The following APLF variants were observed in gnomAD, a reference collection of about 807,000 sequenced individuals.
APLF encodes aprataxin and PNKP like factor, also known as aprataxin and PNK-like factor.
A neutral mutation model predicts 55.6 loss-of-function variants in APLF; 61 were observed. That is an observed-to-expected ratio of 1.10 (90% CI 0.89 to 1.36). The LOEUF (loss-of-function observed/expected upper bound fraction) is 1.36, where lower values mean the gene tolerates loss of function less well. APLF is among the 40% of genes most tolerant of loss of function. APLF has a pLI of 0.00. For missense variants in APLF, 611 were observed against 602.5 expected, an observed-to-expected ratio of 1.01 and a Z score of -0.15; for synonymous variants, 207 against 214.8, an observed-to-expected ratio of 0.96 and a Z score of 0.32.
chr2:68,505,956 G>C (rs1168577942), intron 3 of APLF, among the ~76,000 whole-genome samples: 1 of 151,970 alleles, frequency 6.6e-6, no homozygotes, highest in Non-Finnish European at 1.5e-5. Flanking sequence ...CTAACAACCA[G>C]CCCTTCATCT....
intron 3 of APLF, among the ~76,000 whole-genome samples, chr2:68,506,428 C>T (rs1049685825): frequency 1.3e-5 from 2 of 151,782 alleles, no homozygotes; most frequent in Admixed American, 6.6e-5. Context: ...CACTTCTAGA[C>T]GTTTCTTGAT....
chr2:68,487,221 A>T (rs1404388884), intron 1 of APLF, among the ~76,000 whole-genome samples: 1 of 152,150 alleles, frequency 6.6e-6, no homozygotes, highest in Non-Finnish European at 1.5e-5. Context: ...CTATTTGGTT[A>T]TTAAATAGCC....
At chr2:68,519,476 A>T (rs901602946) in intron 5 of APLF, among the ~76,000 whole-genome samples, 2 of 149,510 alleles carry the variant, frequency 1.3e-5, no homozygotes, top group African/African-American at 4.9e-5. Flanking sequence ...AAAAGGAGTT[A>T]TTTGCAGGGA....
At chr2:68,532,422 G>A (rs766290209) in intron 6 of APLF, among the ~76,000 whole-genome samples, 46 of 152,158 alleles carry the variant, frequency 3.0e-4, no homozygotes, top group Non-Finnish European at 5.7e-4. Flanking sequence ...TGTGGAGCCT[G>A]TGCATCAGTG....
At chr2:68,477,003 T>C (rs917934934) in intron 1 of APLF, among the ~76,000 whole-genome samples, 1 of 152,314 alleles carries the variant, frequency 6.6e-6, no homozygotes, top group East Asian at 1.9e-4. Flanking sequence ...TAAAAAGATA[T>C]GTCATGAATA....
At chr2:68,480,048 G>A (rs1675903951) in intron 1 of APLF, among the ~76,000 whole-genome samples, 1 of 152,086 alleles carries the variant, frequency 6.6e-6, no homozygotes, top group Admixed American at 6.6e-5. Flanking sequence ...CAAAATATGT[G>A]TTAATCAATC....
At chr2:68,563,483 T>C (rs1671219089) in intron 8 of APLF, 1 of 528,084 alleles carries the variant, frequency 1.9e-6, no homozygotes, top group South Asian at 8.3e-5. Flanking sequence ...AATGAGGAAC[T>C]ACCTTCTGAA....
intron 5 of APLF, among the ~76,000 whole-genome samples, chr2:68,516,598 TCCTCCCAAGC>T (rs1669585120): frequency 6.6e-6 from 1 of 150,662 alleles, no homozygotes; most frequent in Admixed American, 6.7e-5. Context: ...CCCCGACCCT[TCCTCCCAAGC>T]CCTCAAAGTC....
chr2:68,513,276 T>C, intron 4 of APLF, 49 bp downstream of exon 4: 1 of 1,539,538 alleles, frequency 6.5e-7, no homozygotes. Flanking sequence ...TTCAAGTTAT[T>C]ATGAAGGCAG....
At chr2:68,576,386 A>G (rs1671624492) in intron 9 of APLF, among the ~76,000 whole-genome samples, 1 of 152,202 alleles carries the variant, frequency 6.6e-6, no homozygotes, top group African/African-American at 2.4e-5. Context: ...GGAGCTGTAT[A>G]TACAGATATA....
chr2:68,569,201 G>A (rs75889174), intron 9 of APLF, among the ~76,000 whole-genome samples: 1,703 of 152,128 alleles, frequency 0.011, 35 homozygotes, highest in African/African-American at 0.039. Context: ...GATGAGAGCC[G>A]GCTCGTAATT....
At chr2:68,484,089 T>C (rs986360354) in intron 1 of APLF, among the ~76,000 whole-genome samples, 1 of 152,176 alleles carries the variant, frequency 6.6e-6, no homozygotes, top group African/African-American at 2.4e-5. Context: ...TGATACAAAA[T>C]ATCTAAGTAT....
chr2:68,515,781 G>T, intron 5 of APLF: 1 of 958,474 alleles, frequency 1.0e-6, no homozygotes, highest in Non-Finnish European at 1.2e-6. Context: ...TACTTTATAA[G>T]AACAAGATTA....
intron 1 of APLF, among the ~76,000 whole-genome samples, chr2:68,486,078 T>C (rs1676164849): frequency 6.6e-6 from 1 of 152,096 alleles, no homozygotes; most frequent in Admixed American, 6.5e-5. Flanking sequence ...GCTCGAATTG[T>C]TCTAAATTTG....
intron 6 of APLF, among the ~76,000 whole-genome samples, chr2:68,531,739 A>G (rs1670263158): frequency 1.3e-5 from 2 of 152,378 alleles, no homozygotes; most frequent in South Asian, 4.1e-4. Context: ...TATTGTGTTC[A>G]GAAGAAAATC....
intron 8 of APLF, among the ~76,000 whole-genome samples, chr2:68,564,968 A>G (rs1239469738): frequency 6.6e-6 from 1 of 152,054 alleles, no homozygotes; most frequent in African/African-American, 2.4e-5. Context: ...TTAAATATGA[A>G]TTAACTAAAT....
At chr2:68,534,360 G>T (rs1048814438) in intron 6 of APLF, among the ~76,000 whole-genome samples, 4 of 152,160 alleles carry the variant, frequency 2.6e-5, no homozygotes, top group African/African-American at 9.7e-5. Flanking sequence ...GTGTTAATGG[G>T]ATTGAGACAG....
intron 3 of APLF, among the ~76,000 whole-genome samples, chr2:68,505,948 A>G (rs952428315): frequency 6.6e-6 from 1 of 151,924 alleles, no homozygotes. Flanking sequence ...TGGTTTTCCT[A>G]ACAACCAGCC....
At chr2:68,516,799 G>A (rs915430040) in intron 5 of APLF, among the ~76,000 whole-genome samples, 21 of 144,690 alleles carry the variant, frequency 1.5e-4, no homozygotes, top group African/African-American at 5.3e-4. Context: ...AGTATTCCAT[G>A]GTGTATTTGT....
Sources: allele counts gnomAD v4.1 joint callset (sites outside exome capture counted in the v4.1 genomes callset), GRCh38; gene constraint gnomAD v4.1.1; transcripts MANE v1.5; gene names NCBI Gene and HGNC (gene_info 2026-07-23, HGNC 2026-07-21).